ARHGEF37: variants seen among roughly 807,000 people sequenced by gnomAD.
ARHGEF37 encodes Rho guanine nucleotide exchange factor 37.
Under a neutral mutation model 71.1 loss-of-function variants are expected in ARHGEF37, and 55 were observed. The ratio of observed to expected loss-of-function variants is 0.77; its 90% CI spans 0.62 to 0.97. ARHGEF37 has a LOEUF of 0.97. Among genes scored for constraint, ARHGEF37 ranks in the 50% least tolerant of loss-of-function variants. ARHGEF37 has a pLI of 0.00. For synonymous variants in ARHGEF37, 327 were observed against 350.6 expected (o/e 0.93, Z 0.75); for missense variants, 765 against 836.8 (o/e 0.91, Z 1.06).
chr5:149,607,353 A>C (rs1251568285), intron 3 of ARHGEF37, among the ~76,000 whole-genome samples: 1 of 151,972 alleles, frequency 6.6e-6, no homozygotes, highest in Admixed American at 6.6e-5. Flanking sequence ...CTTCCCTAAT[A>C]CTTGGTGCTG....
intron 1 of ARHGEF37, among the ~76,000 whole-genome samples, chr5:149,559,060 C>T (rs905758119): frequency 2.0e-4 from 31 of 152,160 alleles, no homozygotes; most frequent in Non-Finnish European, 4.1e-4. Context: ...CAGTGGCTCA[C>T]GCCTGTAATC....
intron 2 of ARHGEF37, among the ~76,000 whole-genome samples, chr5:149,598,785 GAT>G (rs1325785174): frequency 7.0e-6 from 1 of 143,148 alleles, no homozygotes; most frequent in African/African-American, 2.6e-5. Context: ...TAGATATATA[GAT>G]ATAGATATAT....
chr5:149,616,841 T>C, intron 5 of ARHGEF37, 75 bp downstream of exon 5: 2 of 1,419,070 alleles, frequency 1.4e-6, no homozygotes, highest in Admixed American at 2.0e-5. Flanking sequence ...TAAAATCTGC[T>C]TCACCAGTAA....
At chr5:149,592,783 TG>T in intron 1 of ARHGEF37, among the ~76,000 whole-genome samples, 1 of 152,310 alleles carries the variant, frequency 6.6e-6, no homozygotes, top group East Asian at 1.9e-4. Context: ...TTTTTGTTTT[TG>T]TTTGAGATGG....
At chr5:149,572,887 T>G (rs1762984038) in intron 1 of ARHGEF37, among the ~76,000 whole-genome samples, 1 of 152,184 alleles carries the variant, frequency 6.6e-6, no homozygotes, top group Non-Finnish European at 1.5e-5. Context: ...GTCCATCTTG[T>G]GTTGCTATGA....
intron 2 of ARHGEF37, 134 bp from the exon 3 acceptor site, chr5:149,600,974 A>G: frequency 9.1e-7 from 1 of 1,101,140 alleles, no homozygotes; most frequent in Non-Finnish European, 1.3e-6. Context: ...AAATCCTTGC[A>G]AAATTCCACT....
intron 1 of ARHGEF37, among the ~76,000 whole-genome samples, chr5:149,556,314 CTCT>C (rs1189824315): frequency 6.6e-6 from 1 of 152,184 alleles, no homozygotes; most frequent in Non-Finnish European, 1.5e-5. Flanking sequence ...CTGCCTCAGC[CTCT>C]TGAGTGGCTG....
chr5:149,604,656 C>G (rs1763858041), intron 3 of ARHGEF37, among the ~76,000 whole-genome samples: 2 of 149,292 alleles, frequency 1.3e-5, no homozygotes, highest in South Asian at 4.3e-4. Context: ...GAGCCCTTTT[C>G]CCAGTAAGGC....
chr5:149,584,428 G>A lies in ARHGEF37; in HGVS notation c.-12+2804G>A, dbSNP rs140006765. On this transcript the variant is annotated intron_variant, in intron 1 of 12. Coordinates refer to ENST00000333677, the MANE Select transcript of ARHGEF37 (RefSeq NM_001001669.3). The stretch of plus-strand genomic sequence containing the variant: ...AGGGGATGTCTGTTGCTGTCTTTCC[G>A]CCTCACTTCCAATCATTTATTTATC... Among the ~76,000 whole-genome samples, 559 of 152,140 alleles carry A rather than the reference G, an allele frequency of 3.7e-3. 2 individuals carry two copies. Among genetic ancestry groups the A allele is most frequent in the African/African-American group, 0.013 (538 of 41,486 alleles).
chr5:149,568,054 CT>C (rs558922145), intron 1 of ARHGEF37, among the ~76,000 whole-genome samples: 9 of 150,444 alleles, frequency 6.0e-5, no homozygotes, highest in South Asian at 2.1e-4. Context: ...TGCACACGTA[CT>C]TTTTTTTTTC....
intron 10 of ARHGEF37, among the ~76,000 whole-genome samples, chr5:149,625,777 A>G (rs969613057): frequency 6.6e-6 from 1 of 151,242 alleles, no homozygotes; most frequent in African/African-American, 2.4e-5. Context: ...ACACACACAC[A>G]CAAACCTCCT....
intron 3 of ARHGEF37, among the ~76,000 whole-genome samples, chr5:149,601,491 C>G (rs1297388821): frequency 6.6e-6 from 1 of 152,174 alleles, no homozygotes; most frequent in Non-Finnish European, 1.5e-5. Context: ...AGTGATGCAG[C>G]TAAATCTTTA....
intron 12 of ARHGEF37, among the ~76,000 whole-genome samples, chr5:149,631,250 C>T (rs1250333771): frequency 6.6e-6 from 1 of 150,888 alleles, no homozygotes; most frequent in Non-Finnish European, 1.5e-5. Context: ...CGGCTTACTG[C>T]AGCCTTACCT....
At chr5:149,580,997 A>T (rs957018310), upstream of ARHGEF37, among the ~76,000 whole-genome samples, 4 of 152,202 alleles carry the variant, frequency 2.6e-5, no homozygotes, top group Admixed American at 6.5e-5. Context: ...CAGTAGAGTG[A>T]AAGAATGGAC....
chr5:149,570,693 T>C (rs1194066122), intron 1 of ARHGEF37, among the ~76,000 whole-genome samples: 18 of 151,318 alleles, frequency 1.2e-4, no homozygotes, highest in Admixed American at 1.1e-3. Context: ...CTGGCCAATA[T>C]GGTGAAACCC....
intron 2 of ARHGEF37, among the ~76,000 whole-genome samples, chr5:149,600,883 C>T (rs1182025640): frequency 4.6e-5 from 7 of 152,144 alleles, no homozygotes; most frequent in Non-Finnish European, 1.0e-4. Flanking sequence ...ATGATCCACC[C>T]GCCTCATCTC....
At chr5:149,592,856 G>A (rs1036430037) in intron 1 of ARHGEF37, among the ~76,000 whole-genome samples, 6 of 152,072 alleles carry the variant, frequency 3.9e-5, no homozygotes, top group Non-Finnish European at 5.9e-5. Flanking sequence ...CACAACCTCC[G>A]TCTCCTGGGT....
chr5:149,571,905 CAAAAAAA>C (rs150393350), intron 1 of ARHGEF37, among the ~76,000 whole-genome samples: 1 of 77,622 alleles, frequency 1.3e-5, no homozygotes, highest in African/African-American at 5.1e-5. Context: ...GACCCTGTCT[CAAAAAAA>C]AAAAAAAAAA....
At position 149,632,156 on chromosome 5, in the gene ARHGEF37, A is replaced by G; in HGVS notation, c.1993A>G (p.Ser665Gly). 1.2e-6 allele frequency: 2 copies of G among 1,614,182 alleles called. No homozygotes were observed. The highest frequency in any genetic ancestry group is 1.6e-4 in the Middle Eastern group (1 of 6,062). ...VPSGFLARAR[S>G]PVLWGWSLPS is the part of the protein sequence containing the mutation. The stretch of plus-strand genomic sequence containing the variant: ...TTCTGGCTTCTTGGCCAGGGCTCGG[A>G]GCCCAGTTCTGTGGGGCTGGAGTCT... Residue 665 changes from serine (S) to glycine (G), a missense_variant, in exon 13 of 13, where the codon AGC becomes GGC. Around this residue, in one of 5 missense-constraint regions of ARHGEF37, gnomAD observed 390 missense variants for 407.4 expected, o/e 0.96. Transcript: ENST00000333677.
Sources: gnomAD v4.1 joint callset for allele counts (sites outside exome capture counted in the v4.1 genomes callset) on GRCh38, gnomAD v4.1.1 for gene constraint, gnomAD v4.1.1 regional missense constraint, MANE v1.5 for transcripts, NCBI Gene and HGNC (gene_info 2026-07-23, HGNC 2026-07-21) for gene names.